MRPL3: variants seen among roughly 807,000 people sequenced by gnomAD.
MRPL3 encodes mitochondrial ribosomal protein L3, also known as large ribosomal subunit protein uL3m.
In MRPL3, 43 loss-of-function variants were observed where a neutral mutation model predicts 44.3. That is an observed-to-expected ratio of 0.97 (90% CI 0.76 to 1.25). The LOEUF (loss-of-function observed/expected upper bound fraction) is 1.25. MRPL3 is among the 50% of genes most tolerant of loss of function. The pLI, the probability that MRPL3 is intolerant of heterozygous loss-of-function variation, is 0.00. For synonymous variants in MRPL3, 171 were observed against 152.3 expected, an observed-to-expected ratio of 1.12 and a Z score of -0.91; for missense variants, 406 against 427.6, an observed-to-expected ratio of 0.95 and a Z score of 0.45.
chr3:131,469,234 G>GCACACACA (rs145773394), intron 8 of MRPL3, among the ~76,000 whole-genome samples: 1 of 135,920 alleles, frequency 7.4e-6, no homozygotes, highest in Admixed American at 7.3e-5. Flanking sequence ...ACACACACAC[G>GCACACACA]CACACACACA....
At chr3:131,481,958 C>A (rs1186170843) in intron 6 of MRPL3, among the ~76,000 whole-genome samples, 2 of 152,176 alleles carry the variant, frequency 1.3e-5, no homozygotes, top group Admixed American at 6.5e-5. Context: ...AAACATCTAC[C>A]AGTTAGAACA....
In MRPL3 at chr3:131,501,590, A is replaced by T; in HGVS notation, c.218T>A (p.Leu73Ter). 6.2e-7 allele frequency: 1 copy of T among 1,612,316 alleles called. No individual in the cohort carries two copies. Among genetic ancestry groups the T allele is most frequent in the Non-Finnish European group, 8.5e-7 (1 of 1,179,988 alleles). ...TTTCAGAGGACACAGTTTACTTGCT[A>T]ATTGGGCTTTATCTTCATCAGAGAC... ...QLVSDEDKAQ[L>*]ASKLCPLKDE... The change falls in exon 2 of 10, where the codon TTA (leucine) becomes TAA (stop). Residue 73 changes from leucine (L) to a stop codon, truncating the protein, a stop_gained. Coordinates refer to ENST00000264995, the MANE Select transcript of MRPL3 (RefSeq NM_007208.4). LOFTEE classifies it high-confidence loss of function.
At chr3:131,501,915 A>C in intron 1 of MRPL3, 200 bp from the exon 2 acceptor site, 2 of 1,536,014 alleles carry the variant, frequency 1.3e-6, no homozygotes, top group Non-Finnish European at 1.7e-6. Flanking sequence ...TTAAACTGTT[A>C]GTCGTTACCC....
intron 3 of MRPL3, 62 bp downstream of exon 3, chr3:131,500,368 G>T: frequency 7.5e-7 from 1 of 1,334,484 alleles, no homozygotes; most frequent in Non-Finnish European, 1.1e-6. Flanking sequence ...TTCTTGTTAA[G>T]GTTTGCACAA....
intron 3 of MRPL3, among the ~76,000 whole-genome samples, chr3:131,499,797 G>T (rs1406601143): frequency 1.3e-5 from 2 of 152,020 alleles, no homozygotes; most frequent in African/African-American, 4.8e-5. Context: ...AATATTTAGT[G>T]GACACTTAAC....
chr3:131,479,717 C>T (rs969363891), intron 6 of MRPL3, among the ~76,000 whole-genome samples: 2 of 152,082 alleles, frequency 1.3e-5, no homozygotes, highest in East Asian at 1.9e-4. Context: ...TGGTGGCAGG[C>T]ACCTGTAGTC....
At chr3:131,492,965 T>C (rs562394014) in intron 4 of MRPL3, among the ~76,000 whole-genome samples, 2 of 152,338 alleles carry the variant, frequency 1.3e-5, no homozygotes, top group African/African-American at 2.4e-5. Flanking sequence ...TAGATTGCTA[T>C]AGGACTTGAC....
intron 4 of MRPL3, among the ~76,000 whole-genome samples, chr3:131,492,244 T>A (rs1934273912): frequency 6.6e-6 from 1 of 152,162 alleles, no homozygotes; most frequent in Admixed American, 6.5e-5. Context: ...TTAATACCAG[T>A]TTTTTAGGCA....
intron 9 of MRPL3, among the ~76,000 whole-genome samples, chr3:131,464,797 A>T (rs9883795): frequency 0.38 from 57,585 of 152,042 alleles, 12,582 homozygotes; most frequent in Non-Finnish European, 0.5. Flanking sequence ...TTGGAATCTT[A>T]AAAAAAAGTT....
At chr3:131,465,045 C>T (rs1042968313) in intron 9 of MRPL3, among the ~76,000 whole-genome samples, 1 of 152,222 alleles carries the variant, frequency 6.6e-6, no homozygotes, top group Non-Finnish European at 1.5e-5. Context: ...AATGCCTGGG[C>T]AGATACTTTA....
At chr3:131,487,788 A>G (rs1934162677) in intron 5 of MRPL3, 48 bp from the exon 6 acceptor site, 3 of 1,473,262 alleles carry the variant, frequency 2.0e-6, no homozygotes, top group Non-Finnish European at 2.8e-6. Context: ...GACAGCACAG[A>G]AACAACTTTA....
At chr3:131,467,361 T>A (rs1489306321) in intron 9 of MRPL3, among the ~76,000 whole-genome samples, 1 of 152,156 alleles carries the variant, frequency 6.6e-6, no homozygotes, top group East Asian at 1.9e-4. Context: ...GATATACTGG[T>A]ATTTTGGCAA....
rs78932768 is a variant in MRPL3 at position 131,482,001 on chromosome 3, T to C, written c.629+5679A>G. Among the ~76,000 whole-genome samples the C allele has an allele frequency of 9.0e-3, 1,372 of 152,326 alleles. 20 individuals are homozygous for C. The highest frequency in any genetic ancestry group is 0.03 in the African/African-American group (1,251 of 41,580). ...TGTGGGCAGAGTTTCTGACAGTATG[T>C]AGACACTCTTCACTCAACAGTGTAC... On this transcript the variant is annotated intron_variant, in intron 6 of 9. Coordinates refer to ENST00000264995, the MANE Select transcript of MRPL3 (RefSeq NM_007208.4).
chr3:131,468,987 C>T (rs1225247708), intron 8 of MRPL3, among the ~76,000 whole-genome samples: 5 of 152,024 alleles, frequency 3.3e-5, no homozygotes, highest in Non-Finnish European at 7.4e-5. Flanking sequence ...CACTTTAAAA[C>T]ATACATGCAA....
At chr3:131,493,598 C>G (rs1197611745) in intron 4 of MRPL3, among the ~76,000 whole-genome samples, 1 of 152,182 alleles carries the variant, frequency 6.6e-6, no homozygotes, top group African/African-American at 2.4e-5. Flanking sequence ...AGATAAAGGA[C>G]AGGCAACCAT....
chr3:131,485,382 T>G (rs1162875777), intron 6 of MRPL3, among the ~76,000 whole-genome samples: 6 of 152,206 alleles, frequency 3.9e-5, no homozygotes, highest in African/African-American at 1.4e-4. Context: ...TATCCCATAT[T>G]GTATAAAATA....
intron 9 of MRPL3, among the ~76,000 whole-genome samples, chr3:131,466,947 CCTAA>C (rs913755925): frequency 2.0e-5 from 3 of 152,024 alleles, no homozygotes; most frequent in Non-Finnish European, 4.4e-5. Flanking sequence ...ATGTATTCTT[CCTAA>C]CTAACTCTGT....
chr3:131,495,816 T>C (rs960102144), intron 4 of MRPL3, among the ~76,000 whole-genome samples: 1 of 152,200 alleles, frequency 6.6e-6, no homozygotes, highest in Non-Finnish European at 1.5e-5. Flanking sequence ...TGTTTTTTCT[T>C]GAGAATTAAA....
At chr3:131,485,852 CT>C (rs1934105794) in intron 6 of MRPL3, among the ~76,000 whole-genome samples, 1 of 152,150 alleles carries the variant, frequency 6.6e-6, no homozygotes, top group South Asian at 2.1e-4. Flanking sequence ...CCCCCAGTTT[CT>C]TTTGATAAAA....
Sources: gnomAD v4.1 joint callset for allele counts (sites outside exome capture counted in the v4.1 genomes callset) on GRCh38, gnomAD v4.1.1 for gene constraint, MANE v1.5 for transcripts, NCBI Gene and HGNC (gene_info 2026-07-23, HGNC 2026-07-21) for gene names.